The following TTN variants were observed in gnomAD, a reference collection of about 807,000 sequenced individuals.
The protein encoded by TTN is titin, also known as connectin.
A neutral mutation model predicts 3,223.0 loss-of-function variants in TTN; 1,525 were observed. The ratio of observed to expected loss-of-function variants is 0.47; its 90% CI spans 0.45 to 0.49. The LOEUF (loss-of-function observed/expected upper bound fraction) is 0.49. TTN is among the 20% of genes least tolerant of loss of function. The probability of loss-of-function intolerance (pLI) is 0.00; values close to 1 mark genes in which losing one functional copy is unlikely to be tolerated. For missense variants in TTN, 40,786 were observed against 43,424.0 expected (o/e 0.94, Z 5.40); for synonymous variants, 14,094 against 15,161.0 (o/e 0.93, Z 5.17).
intron 101 of TTN, 36 bp from the exon 102 acceptor site, chr2:178,706,775 A>G: frequency 6.3e-7 from 1 of 1,595,826 alleles, no homozygotes; most frequent in Non-Finnish European, 8.5e-7. Context: ...TAAAAATTTA[A>G]TTTTCTAAAA....
chr2:178,730,206 G>T lies in TTN; in HGVS notation c.18194C>A (p.Thr6065Asn). 1 of 1,613,452 alleles carries T rather than the reference G, an allele frequency of 6.2e-7. No individual in the cohort carries two copies. The highest frequency in any genetic ancestry group is 8.5e-7 in the Non-Finnish European group (1 of 1,179,648). The part of the protein sequence containing the change: ...GAARSVWKDD[T>N]STSLELFAAK... ...TGCAAAGAGCTCTAGACTGGTAGAG[G>T]TGTCATCCTTCCAAACTGAGCGGGC... Residue 6065 changes from threonine to asparagine, a missense_variant, in exon 62 of 363, where the codon ACC becomes AAC. Coordinates refer to ENST00000589042, the MANE Select transcript of TTN (RefSeq NM_001267550.2).
At chr2:178,622,890 C>A in intron 242 of TTN, 123 bp from the exon 243 acceptor site, 2 of 761,352 alleles carry the variant, frequency 2.6e-6, no homozygotes, top group South Asian at 3.3e-5. Context: ...TAGACTACAA[C>A]TGACTTTGAA....
chr2:178,803,392 T>A (rs2094159854), intron 2 of TTN, among the ~76,000 whole-genome samples: 1 of 151,596 alleles, frequency 6.6e-6, no homozygotes, highest in South Asian at 2.1e-4. Flanking sequence ...AGTTCAGAAG[T>A]TACTGAGTGT....
chr2:178,736,145 G>A (rs2081400866), intron 49 of TTN, 71 bp from the exon 50 acceptor site: 1 of 1,384,006 alleles, frequency 7.2e-7, no homozygotes, highest in Non-Finnish European at 9.7e-7. Context: ...TATATTCCAA[G>A]ACAGAGAAAA....
chr2:178,731,789 T>A lies in TTN; in HGVS notation c.17086A>T (p.Ile5696Phe). 1 of 1,613,812 alleles carries A rather than the reference T, an allele frequency of 6.2e-7. No homozygotes were observed. The highest frequency in any genetic ancestry group is 8.5e-7 in the Non-Finnish European group (1 of 1,179,752). The stretch of plus-strand genomic sequence containing the variant: ...GCATCTGCAGCTACAAACTTGAGGA[T>A]CTGCAGGCTAACCAGATGATCCTGA... ...FIQDHLVSLQ[I>F]LKFVAADAGE... The change falls in exon 58 of 363, where the codon ATC becomes TTC. Residue 5696 changes from isoleucine to phenylalanine, a missense_variant. By Grantham distance (21) the Ile-to-Phe change is conservative. Coordinates refer to ENST00000589042, the MANE Select transcript of TTN (RefSeq NM_001267550.2).
intron 47 of TTN, chr2:178,747,677 T>C (rs1263192747): frequency 6.2e-7 from 1 of 1,613,050 alleles, no homozygotes; most frequent in South Asian, 1.1e-5. Flanking sequence ...AGCAAGTAAA[T>C]ATTGTGTTAG....
At chr2:178,764,080 T>C in intron 43 of TTN, 97 bp downstream of exon 43, 3 of 1,525,852 alleles carry the variant, frequency 2.0e-6, no homozygotes, top group Admixed American at 1.7e-5. Flanking sequence ...AAATTATGCA[T>C]GAGAGATGTT....
chr2:178,595,922 G>A (rs1380848245), intron 294 of TTN, 113 bp from the exon 295 acceptor site: 1 of 1,019,336 alleles, frequency 9.8e-7, no homozygotes, highest in Non-Finnish European at 1.4e-6. Flanking sequence ...GTAAGGTTTT[G>A]TGTCTACTAA....
rs768074608 is a variant in TTN at position 178,553,427 on chromosome 2, A to AT, written c.89504-32dup. On this transcript the variant is annotated intron_variant, in intron 334 of 362. Coordinates refer to ENST00000589042, the MANE Select transcript of TTN (RefSeq NM_001267550.2). ...GACATAAAATGGATACATACAGTGA[A>AT]TTTTAAAAGCAAAAAAGAGTGATTT... 48 of 1,571,880 alleles carry AT rather than the reference A, an allele frequency of 3.1e-5. No homozygotes were observed. In the African/African-American group the frequency reaches 5.2e-4, roughly 17 times the overall value.
chr2:178,615,866 G>A (rs1171460502), intron 257 of TTN, 78 bp from the exon 258 acceptor site: 2 of 1,473,172 alleles, frequency 1.4e-6, no homozygotes. Flanking sequence ...ACCATGACCA[G>A]GGATACAAAC....
At chr2:178,804,014 A>G (rs2094194638) in intron 2 of TTN, among the ~76,000 whole-genome samples, 1 of 152,248 alleles carries the variant, frequency 6.6e-6, no homozygotes, top group African/African-American at 2.4e-5. Context: ...CTTTTAATTC[A>G]TTAGAATCAC....
intron 165 of TTN, 31 bp from the exon 166 acceptor site, chr2:178,664,957 A>C: frequency 6.3e-7 from 1 of 1,579,602 alleles, no homozygotes; most frequent in Non-Finnish European, 8.6e-7. Flanking sequence ...CACATTTAAG[A>C]GTTAAAATGA....
In TTN at chr2:178,726,212, C is replaced by A. The variant is rs2079308986; in HGVS notation, c.20276-166G>T. On this transcript the variant is annotated intron_variant, in intron 69 of 362. Transcript: ENST00000589042. ...AACAGCCTCAGAAGCCATTTGCCTT[C>A]ACAAGATAACCAGCTAGATGGGCAG... 4 of 731,140 alleles carry A rather than the reference C, an allele frequency of 5.5e-6. No homozygotes were observed. The South Asian group carries it at 1.3e-4, about 24-fold the overall frequency. The allele number at this position is 731,140 out of a possible 1,614,324, so 45.3% of individuals were successfully genotyped here.
At position 178,621,285 on chromosome 2, in the gene TTN, T is replaced by C; in HGVS notation, c.45433A>G (p.Lys15145Glu). ...EKAEFVCSIS[K>E]ESFPVQWKRD... ...TTCCACTGGACTGGAAAGCTTTCTT[T>C]TGATATAGAGCAGACAAATTCAGCC... The change falls in exon 246 of 363, where the codon AAA becomes GAA. Residue 15145 changes from lysine (K) to glutamate (E), a missense_variant. By Grantham distance (56) the Lys-to-Glu change is moderately conservative. Coordinates refer to ENST00000589042, the MANE Select transcript of TTN (RefSeq NM_001267550.2). The C allele has an allele frequency of 1.2e-6, 2 of 1,612,252 alleles. No individual in the cohort carries two copies. The highest frequency in any genetic ancestry group is 1.7e-6 in the Non-Finnish European group (2 of 1,179,088).
intron 157 of TTN, 144 bp from the exon 158 acceptor site, chr2:178,669,819 T>A: frequency 1.3e-6 from 1 of 765,980 alleles, no homozygotes; most frequent in Non-Finnish European, 2.1e-6. Context: ...AGTCATTGCA[T>A]TTCTCTGAAT....
intron 312 of TTN, 78 bp downstream of exon 312, chr2:178,583,529 T>C: frequency 3.7e-6 from 5 of 1,363,258 alleles, no homozygotes; most frequent in Non-Finnish European, 4.9e-6. Flanking sequence ...CTTAGGTGTA[T>C]ATTTAGTTTT....
chr2:178,538,642 A>G lies in TTN; in HGVS notation c.99187T>C (p.Leu33063=). The G allele has an allele frequency of 6.2e-7, 1 of 1,613,808 alleles. No homozygotes were observed. The change falls in exon 354 of 363, where the codon TTG becomes CTG. Residue 33063 remains leucine (L), a synonymous_variant. Transcript: ENST00000589042. ...IKDKQFTIGG[L]LEATEYEFRV... ...AATTCATACTCAGTAGCTTCCAGCA[A>G]ACCTCCTATTGTGAATTGCTTGTCC...
chr2:178,746,060 T>G (rs1481050154), intron 47 of TTN: 10 of 1,613,354 alleles, frequency 6.2e-6, no homozygotes, highest in Admixed American at 3.3e-5. Flanking sequence ...TGTTGCACTA[T>G]CAGAAAGACA....
Position 178,632,935 on chromosome 2 carries a change from G to C in TTN, c.43196C>G (p.Ala14399Gly). The C allele has an allele frequency of 6.2e-7, 1 of 1,612,764 alleles. No individual in the cohort carries two copies. ...SFQAANAKSA[A>G]NLKVKELPLI... ...GAGCATACCTTTCACTTTCAGATTG[G>C]CTGCAGATTTGGCATTAGCAGCCTG... Residue 14399 changes from alanine to glycine, a missense_variant, in exon 234 of 363, where the codon GCC becomes GGC. Physicochemically the swap from Ala to Gly is moderately conservative, Grantham distance 60 (BLOSUM62 0). Transcript: ENST00000589042.
Sources: allele counts gnomAD v4.1 joint callset (sites outside exome capture counted in the v4.1 genomes callset), GRCh38; gene constraint gnomAD v4.1.1; transcripts MANE v1.5; gene names NCBI Gene and HGNC (gene_info 2026-07-23, HGNC 2026-07-21).